The following EXOC4 variants were observed in gnomAD, a reference collection of about 807,000 sequenced individuals.
EXOC4 encodes exocyst complex component 4.
EXOC4 carries 71 observed loss-of-function variants against 107.2 expected under a neutral mutation model. The ratio of observed to expected loss-of-function variants is 0.66; its 90% CI spans 0.55 to 0.81. The LOEUF is 0.81. Among genes scored for constraint, EXOC4 ranks in the 30% least tolerant of loss-of-function variants. EXOC4 has a pLI of 0.00. For missense variants in EXOC4, 1,108 were observed against 1,189.6 expected (o/e 0.93, Z 1.01); for synonymous variants, 456 against 441.2 (o/e 1.03, Z -0.42).
At chr7:133,648,220 T>G (rs773588657) in intron 10 of EXOC4, among the ~76,000 whole-genome samples, 21 of 152,178 alleles carry the variant, frequency 1.4e-4, no homozygotes, top group Non-Finnish European at 2.6e-4. Context: ...GAGGAGCACT[T>G]AAATATTTTT....
At chr7:133,507,665 C>G (rs13237737) in intron 9 of EXOC4, among the ~76,000 whole-genome samples, 3,187 of 152,300 alleles carry the variant, frequency 0.021, 44 homozygotes, top group Middle Eastern at 0.086. Flanking sequence ...ATGACCATAG[C>G]TGAACATGAC....
chr7:133,432,250 G>A (rs1797872306), intron 7 of EXOC4, among the ~76,000 whole-genome samples: 1 of 152,024 alleles, frequency 6.6e-6, no homozygotes, highest in African/African-American at 2.4e-5. Flanking sequence ...TTATTTAGAA[G>A]ATTTGTGTTC....
At chr7:133,728,642 G>A (rs570513661) in intron 10 of EXOC4, among the ~76,000 whole-genome samples, 1 of 152,268 alleles carries the variant, frequency 6.6e-6, no homozygotes, top group African/African-American at 2.4e-5. Flanking sequence ...ACTATAACAT[G>A]ATGTAAAATT....
intron 14 of EXOC4, among the ~76,000 whole-genome samples, chr7:133,983,210 C>T (rs1025330572): frequency 6.6e-6 from 1 of 152,086 alleles, no homozygotes; most frequent in African/African-American, 2.4e-5. Context: ...TGGCACCAAG[C>T]CCTAAGGGAT....
At chr7:133,676,053 G>T (rs540790751) in intron 10 of EXOC4, among the ~76,000 whole-genome samples, 116 of 152,146 alleles carry the variant, frequency 7.6e-4, no homozygotes, top group Non-Finnish European at 1.4e-3. Context: ...GAGACAGTCA[G>T]ATCTGTTAGT....
intron 17 of EXOC4, among the ~76,000 whole-genome samples, chr7:134,020,263 A>G (rs1794999156): frequency 6.6e-6 from 1 of 152,144 alleles, no homozygotes; most frequent in Admixed American, 6.5e-5. Context: ...CATCCCTAAA[A>G]GTTCTGATTT....
At chr7:133,870,114 C>T (rs1798720858) in intron 11 of EXOC4, among the ~76,000 whole-genome samples, 1 of 152,068 alleles carries the variant, frequency 6.6e-6, no homozygotes, top group African/African-American at 2.4e-5. Flanking sequence ...GTGAAGGTTG[C>T]AGGAAGAGCT....
At chr7:133,811,672 A>G (rs1481670885) in intron 10 of EXOC4, among the ~76,000 whole-genome samples, 1 of 152,250 alleles carries the variant, frequency 6.6e-6, no homozygotes, top group Non-Finnish European at 1.5e-5. Flanking sequence ...AAGTAGTGTG[A>G]ACAGCCATAT....
In EXOC4 at chr7:133,450,922, G is replaced by A. The variant is rs562084017; in HGVS notation, c.1183-24406G>A. 5.9e-5 allele frequency among the ~76,000 whole-genome samples: 9 copies of A among 152,304 alleles called. No individual in the cohort carries two copies. The South Asian group carries it at 1.9e-3, about 32-fold the overall frequency. ...TTAAGTACTATTTCTAATGGATGCA[G>A]GACAAGAAGTGTTCAGGTGGGATGG... is the stretch of plus-strand genomic sequence containing the variant. On this transcript the variant is annotated intron_variant, in intron 7 of 17. Transcript: ENST00000253861.
intron 10 of EXOC4, 59 bp from the exon 11 acceptor site, chr7:133,817,266 C>T (rs1026741711): frequency 9.8e-6 from 12 of 1,221,436 alleles, no homozygotes; most frequent in Non-Finnish European, 1.3e-5. Flanking sequence ...GTCCTCATGT[C>T]GTATTTATAT....
intron 14 of EXOC4, among the ~76,000 whole-genome samples, chr7:133,954,745 A>G (rs2116808536): frequency 6.6e-6 from 1 of 152,290 alleles, no homozygotes; most frequent in South Asian, 2.1e-4. Context: ...ACCGGCCTGG[A>G]TCCCATGCCT....
At chr7:133,772,905 GGATGTTTCTGAGCTTGAGAGTCCTA>G (rs1432625773) in intron 10 of EXOC4, among the ~76,000 whole-genome samples, 4 of 152,036 alleles carry the variant, frequency 2.6e-5, no homozygotes, top group Admixed American at 6.6e-5. Flanking sequence ...GCTAAGCCCT[GGATGTTTCTGAGCTTGAGAGTCCTA>G]GTCTGTAAAA....
chr7:133,389,257 C>T (rs372525294), intron 7 of EXOC4, among the ~76,000 whole-genome samples: 9 of 151,904 alleles, frequency 5.9e-5, no homozygotes, highest in African/African-American at 2.2e-4. Flanking sequence ...TTTTCAATAC[C>T]TTTTAGGCTT....
At chr7:134,015,523 T>A (rs1794883921) in intron 17 of EXOC4, among the ~76,000 whole-genome samples, 1 of 152,130 alleles carries the variant, frequency 6.6e-6, no homozygotes, top group African/African-American at 2.4e-5. Flanking sequence ...AGTATAGGAC[T>A]TGGATTTGAG....
chr7:134,099,991 G>C, the EXOC4 span, among the ~76,000 whole-genome samples: 1 of 152,026 alleles, frequency 6.6e-6, no homozygotes, highest in African/African-American at 2.4e-5. Context: ...ACAGGCATGA[G>C]CCACTGCACC....
At chr7:133,824,114 C>A (rs1797641287) in intron 11 of EXOC4, among the ~76,000 whole-genome samples, 1 of 150,278 alleles carries the variant, frequency 6.7e-6, no homozygotes, top group Non-Finnish European at 1.5e-5. Context: ...CTTCTCTGTA[C>A]CTATTTCTTC....
At chr7:133,857,501 T>C (rs913254898) in intron 11 of EXOC4, among the ~76,000 whole-genome samples, 3 of 62 alleles carry the variant, frequency 0.048, no homozygotes, top group Non-Finnish European at 0.088. Flanking sequence ...GGGCTTGTTC[T>C]GTCCCCTGGG....
the EXOC4 span, among the ~76,000 whole-genome samples, chr7:134,094,532 G>A: frequency 5.3e-5 from 8 of 152,126 alleles, no homozygotes; most frequent in South Asian, 1.0e-3. Context: ...TTAAAAAATC[G>A]AAGAGGAGAG....
chr7:133,341,320 T>G (rs1795656000), intron 5 of EXOC4, among the ~76,000 whole-genome samples: 2 of 152,330 alleles, frequency 1.3e-5, no homozygotes, highest in Non-Finnish European at 1.5e-5. Context: ...GTTATTTAAT[T>G]TCCATGTATT....
Sources: gnomAD v4.1 joint callset for allele counts (sites outside exome capture counted in the v4.1 genomes callset) on GRCh38, gnomAD v4.1.1 for gene constraint, MANE v1.5 for transcripts, NCBI Gene and HGNC (gene_info 2026-07-23, HGNC 2026-07-21) for gene names.